The following DENND6A variants were observed in gnomAD, a reference collection of about 807,000 sequenced individuals.
The protein encoded by DENND6A is DENN domain containing 6A.
DENND6A carries 43 observed loss-of-function variants against 95.5 expected under a neutral mutation model. The observed-to-expected ratio is 0.45, with a 90% CI of 0.35 to 0.58. The LOEUF (loss-of-function observed/expected upper bound fraction) is 0.58. Among genes scored for constraint, DENND6A ranks in the 20% least tolerant of loss-of-function variants. The pLI is 0.00. For missense variants in DENND6A, 574 were observed against 736.0 expected, an observed-to-expected ratio of 0.78 and a Z score of 2.55; for synonymous variants, 257 against 260.4, an observed-to-expected ratio of 0.99 and a Z score of 0.13.
chr3:57,669,324 C>T (rs900155881), intron 3 of DENND6A, among the ~76,000 whole-genome samples: 1 of 152,072 alleles, frequency 6.6e-6, no homozygotes, highest in East Asian at 1.9e-4. Context: ...GCTTTCAGGT[C>T]TTTTGTAGAT....
rs2070647080 is a variant in DENND6A, at chr3:57,630,612, C to T, written c.1518-89G>A. 3 of 1,524,902 alleles carry T rather than the reference C, an allele frequency of 2.0e-6. No individual in the cohort carries two copies. The East Asian group carries it at 6.9e-5, about 35-fold the overall frequency. The allele number at this position is 1,524,902 out of a possible 1,614,324, so 94.5% of individuals were successfully genotyped here. A position where few individuals can be genotyped will look rare whatever the true frequency, so the allele number is the denominator to read the frequency against. On this transcript the variant is annotated intron_variant, in intron 17 of 19. Coordinates refer to ENST00000311128, the MANE Select transcript of DENND6A (RefSeq NM_152678.3). ...TTCCTAGTCAGAGAACCATGTCAAA[C>T]TTTAGTAGAATTTTTTAAAAAGAAT...
At position 57,628,883 on chromosome 3, in the gene DENND6A, G is replaced by T. The variant is rs2070593487; in HGVS notation, c.1623C>A (p.Asp541Glu). The T allele has an allele frequency of 6.2e-7, 1 of 1,609,550 alleles. No individual in the cohort carries two copies. The highest frequency in any genetic ancestry group is 8.5e-7 in the Non-Finnish European group (1 of 1,178,956). ...TGTGTTTCTGGATCCAGAGAAGTAA[G>T]TCCTAGAATAAATAAAGTCCCAAAT... ...ALHLEALCEE[D>E]LLLWIQKHTE... The change falls in exon 19 of 20, where the codon GAC becomes GAA. Residue 541 changes from aspartate to glutamate, a missense_variant and splice_region_variant. Physicochemically the swap from Asp to Glu is conservative, Grantham distance 45. Transcript: ENST00000311128.
chr3:57,645,074 T>C (rs1350247451), intron 11 of DENND6A, among the ~76,000 whole-genome samples: 1 of 152,100 alleles, frequency 6.6e-6, no homozygotes, highest in African/African-American at 2.4e-5. Flanking sequence ...AAGATTATTT[T>C]TTCTTTTTAC....
chr3:57,657,350 A>G (rs973709479), intron 9 of DENND6A, among the ~76,000 whole-genome samples: 2 of 152,192 alleles, frequency 1.3e-5, no homozygotes, highest in African/African-American at 4.8e-5. Flanking sequence ...GTATTTTAAA[A>G]TAGAACACAA....
At chr3:57,689,905 A>G (rs1297382390) in intron 1 of DENND6A, among the ~76,000 whole-genome samples, 1 of 152,064 alleles carries the variant, frequency 6.6e-6, no homozygotes, top group East Asian at 1.9e-4. Flanking sequence ...CCCCACAAAA[A>G]AAATTAAAAA....
At chr3:57,661,687 G>A in intron 5 of DENND6A, 136 bp from the exon 6 acceptor site, 1 of 646,098 alleles carries the variant, frequency 1.5e-6, no homozygotes, top group Non-Finnish European at 2.5e-6. Flanking sequence ...ATAGTTAAAA[G>A]GAAACAAAAC....
intron 11 of DENND6A, among the ~76,000 whole-genome samples, chr3:57,643,503 G>T (rs190086017): frequency 2.0e-5 from 3 of 152,168 alleles, no homozygotes; most frequent in Admixed American, 1.3e-4. Context: ...TTAACATGGG[G>T]TATTAACAGA....
chr3:57,643,761 A>G (rs2071003251), intron 11 of DENND6A, among the ~76,000 whole-genome samples: 2 of 149,100 alleles, frequency 1.3e-5, no homozygotes, highest in South Asian at 4.4e-4. Context: ...CAGGAGGTGA[A>G]GTTTGCAGTG....
intron 3 of DENND6A, among the ~76,000 whole-genome samples, chr3:57,667,209 T>C (rs1361497789): frequency 3.2e-4 from 49 of 152,122 alleles, no homozygotes; most frequent in Admixed American, 3.1e-3. Flanking sequence ...TTTGTATTTT[T>C]AGTAGAGATG....
chr3:57,663,725 A>C lies in DENND6A; in HGVS notation c.433-9T>G. On this transcript the variant is annotated splice_polypyrimidine_tract_variant and intron_variant, in intron 4 of 19. Coordinates refer to ENST00000311128, the MANE Select transcript of DENND6A (RefSeq NM_152678.3). ...AAATAAGCAGGATCCTTCTAAGAAGAAAGTGACAAGTAAGTGTGTGTGGGG... is the reference window on the plus strand; with the variant it reads ...AAATAAGCAGGATCCTTCTAAGAAGCAAGTGACAAGTAAGTGTGTGTGGGG... 1 of 1,554,552 alleles carries C rather than the reference A, an allele frequency of 6.4e-7. No homozygotes were observed. The highest frequency in any genetic ancestry group is 1.4e-5 in the African/African-American group (1 of 73,124).
At chr3:57,671,137 G>A (rs1427771502) in intron 3 of DENND6A, among the ~76,000 whole-genome samples, 1 of 152,078 alleles carries the variant, frequency 6.6e-6, no homozygotes, top group Non-Finnish European at 1.5e-5. Context: ...AAAAATTCTG[G>A]AAGCATTTAT....
intron 1 of DENND6A, among the ~76,000 whole-genome samples, chr3:57,690,329 C>T (rs1256721385): frequency 6.6e-6 from 1 of 152,068 alleles, no homozygotes; most frequent in East Asian, 1.9e-4. Flanking sequence ...CACGGTGAAA[C>T]CCCGTCTCTA....
At chr3:57,683,309 C>G (rs1350318790) in intron 1 of DENND6A, among the ~76,000 whole-genome samples, 1 of 152,162 alleles carries the variant, frequency 6.6e-6, no homozygotes, top group Non-Finnish European at 1.5e-5. Flanking sequence ...CAATTGCTAA[C>G]TTTATCAAGT....
intron 12 of DENND6A, among the ~76,000 whole-genome samples, chr3:57,636,586 G>A (rs2070797697): frequency 6.6e-6 from 1 of 152,062 alleles, no homozygotes; most frequent in South Asian, 2.1e-4. Context: ...CCAAAGAAGA[G>A]TAAGAAAATT....
Position 57,663,627 on chromosome 3 carries a change from G to A in DENND6A, c.513+9C>T. ...AAATACTTTTTTTATTAGTGTGTAT[G>A]ACAATTACCTTCTGAAAGTAGCCTC... On this transcript the variant is annotated intron_variant, in intron 5 of 19. Transcript: ENST00000311128. 6.3e-7 allele frequency: 1 copy of A among 1,576,388 alleles called. No homozygotes were observed.
intron 11 of DENND6A, 53 bp from the exon 12 acceptor site, chr3:57,641,800 T>A: frequency 1.1e-5 from 15 of 1,390,626 alleles, no homozygotes; most frequent in African/African-American, 1.4e-5. Context: ...AGATGAATGC[T>A]AAATCAGTGA....
At position 57,663,718 on chromosome 3, in the gene DENND6A, TAAG is replaced by T; in HGVS notation, c.433-5_433-3del. 1 of 1,564,000 alleles carries T rather than the reference TAAG, an allele frequency of 6.4e-7. No individual in the cohort carries two copies. Among genetic ancestry groups the T allele is most frequent in the Non-Finnish European group, 8.7e-7 (1 of 1,151,802 alleles). ...TCCATAAAAATAAGCAGGATCCTTC[TAAG>T]AAGAAAGTGACAAGTAAGTGTGTGT... is the stretch of plus-strand genomic sequence containing the variant. On this transcript the variant is annotated splice_region_variant and splice_polypyrimidine_tract_variant and intron_variant, in intron 4 of 19. Coordinates refer to ENST00000311128, the MANE Select transcript of DENND6A (RefSeq NM_152678.3).
In DENND6A at chr3:57,628,092, A is replaced by C; in HGVS notation, c.*122T>G. ...TACAATACAGTCTTTCTACCCTGTA[A>C]CTAGCATTCATGGCAATTTTCCACT... On this transcript the variant is annotated 3_prime_UTR_variant, in exon 20 of 20. Coordinates refer to ENST00000311128, the MANE Select transcript of DENND6A (RefSeq NM_152678.3). 7.1e-7 allele frequency: 1 copy of C among 1,404,404 alleles called. No homozygotes were observed. Among genetic ancestry groups the C allele is most frequent in the Admixed American group, 2.2e-5 (1 of 44,938 alleles). The allele number at this position is 1,404,404 out of a possible 1,614,324, so 87.0% of individuals were successfully genotyped here.
intron 1 of DENND6A, among the ~76,000 whole-genome samples, chr3:57,682,665 T>C (rs2077177074): frequency 6.6e-6 from 1 of 152,052 alleles, no homozygotes; most frequent in African/African-American, 2.4e-5. Context: ...CCACTGACTA[T>C]ATGGTTTTTT....
Sources: gnomAD v4.1 joint callset for allele counts (sites outside exome capture counted in the v4.1 genomes callset) on GRCh38, gnomAD v4.1.1 for gene constraint, MANE v1.5 for transcripts, NCBI Gene and HGNC (gene_info 2026-07-23, HGNC 2026-07-21) for gene names.